Variants in SLC12A7 observed in about 807,000 individuals in gnomAD.
SLC12A7 encodes K-Cl cotransporter 4.
A neutral mutation model predicts 120.6 loss-of-function variants in SLC12A7; 100 were observed. The ratio of observed to expected loss-of-function variants is 0.83; its 90% CI spans 0.71 to 0.98. SLC12A7 has a LOEUF of 0.98. Ranked by LOEUF, SLC12A7 falls within the 50% of genes least tolerant of loss-of-function variation. SLC12A7 has a pLI of 0.00. For synonymous variants in SLC12A7, 760 were observed against 678.0 expected (o/e 1.12, Z -1.88); for missense variants, 1,373 against 1,548.1 (o/e 0.89, Z 1.90).
intron 1 of SLC12A7, among the ~76,000 whole-genome samples, chr5:1,106,542 G>A (rs1185162738): frequency 2.6e-5 from 4 of 151,222 alleles, no homozygotes; most frequent in Admixed American, 6.6e-5. Flanking sequence ...CCTCACAGAC[G>A]CCATCCATCC....
At chr5:1,150,675 CTTCT>C in the SLC12A7 span, among the ~76,000 whole-genome samples, 1 of 152,258 alleles carries the variant, frequency 6.6e-6, no homozygotes, top group Non-Finnish European at 1.5e-5. Flanking sequence ...TGAGTCGAGA[CTTCT>C]TTAAGAGCAA....
At chr5:1,061,605 C>A (rs1340023775) in intron 20 of SLC12A7, among the ~76,000 whole-genome samples, 1 of 152,222 alleles carries the variant, frequency 6.6e-6, no homozygotes, top group Non-Finnish European at 1.5e-5. Context: ...CCCGCCGCAC[C>A]CGGCTCATGG....
chr5:1,136,011 CG>C, the SLC12A7 span, among the ~76,000 whole-genome samples: 1 of 152,154 alleles, frequency 6.6e-6, no homozygotes, highest in Non-Finnish European at 1.5e-5. Context: ...AGGCCTGGCT[CG>C]GGTCCAGAGG....
At chr5:1,064,581 G>A (rs2150801100) in intron 18 of SLC12A7, among the ~76,000 whole-genome samples, 1 of 152,386 alleles carries the variant, frequency 6.6e-6, no homozygotes, top group East Asian at 1.9e-4. Flanking sequence ...TGGCCTCAAG[G>A]CCCATCGGGA....
intron 9 of SLC12A7, among the ~76,000 whole-genome samples, chr5:1,080,697 G>A (rs902305458): frequency 6.6e-6 from 1 of 152,216 alleles, no homozygotes; most frequent in Non-Finnish European, 1.5e-5. Context: ...ACCCCCTGGG[G>A]AACAACCAAG....
At chr5:1,057,261 G>A (rs758241336) in intron 22 of SLC12A7, 29 of 536,658 alleles carry the variant, frequency 5.4e-5, no homozygotes, top group Middle Eastern at 4.7e-4. Flanking sequence ...ATCCCTCAGC[G>A]CCCGGCCACA....
chr5:1,094,337 T>C, intron 1 of SLC12A7, 89 bp from the exon 2 acceptor site: 4 of 910,942 alleles, frequency 4.4e-6, no homozygotes, highest in Non-Finnish European at 7.3e-6. Flanking sequence ...CGGAGGGCTC[T>C]GGTCCCCACC....
intron 6 of SLC12A7, among the ~76,000 whole-genome samples, chr5:1,086,649 G>A (rs1462646216): frequency 6.6e-6 from 1 of 152,270 alleles, no homozygotes; most frequent in African/African-American, 2.4e-5. Context: ...CAGTCCAGAT[G>A]TCTACCCAGC....
In SLC12A7 at chr5:1,074,860, C is replaced by T. The variant is rs1738146872; in HGVS notation, c.1968-189G>A. 14 of 610,732 alleles carry T rather than the reference C, an allele frequency of 2.3e-5. No homozygotes were observed. The South Asian group carries it at 2.8e-4, about 12-fold the overall frequency. 37.8% of individuals were successfully genotyped at this position (610,732 alleles called of 1,614,324 possible). A position where few individuals can be genotyped will look rare whatever the true frequency, so the allele number is the denominator to read the frequency against. On this transcript the variant is annotated intron_variant, in intron 15 of 23. Coordinates refer to ENST00000264930, the MANE Select transcript of SLC12A7 (RefSeq NM_006598.3). ...GAGCCCGTCCTAGGAGCCACCGGGT[C>T]AGAGGGTGCTGTGGCTGTGGAGGGA... is the stretch of plus-strand genomic sequence containing the variant.
chr5:1,063,960 G>A lies in SLC12A7; in HGVS notation c.2623C>T (p.Arg875Trp), dbSNP rs150458053. ...LRQHKVWRKC[R>W]MRIFTVAQVD... is the part of the protein sequence containing the mutation. ...TGGGCCACGGTGAAGATACGCATCC[G>A]GCACTTCCTCCACACCTGCAGACAG... is the stretch of plus-strand genomic sequence containing the variant. The change falls in exon 20 of 24, where the codon CGG (arginine) becomes TGG (tryptophan). Residue 875 changes from arginine to tryptophan, a missense_variant. Physicochemically the swap from Arg to Trp is moderately radical, Grantham distance 101. Transcript: ENST00000264930. 47 of 1,612,344 alleles carry A rather than the reference G, an allele frequency of 2.9e-5. No homozygotes were observed. The highest frequency in any genetic ancestry group is 4.4e-5 in the South Asian group (4 of 91,064).
intron 17 of SLC12A7, among the ~76,000 whole-genome samples, chr5:1,068,736 G>A (rs533540371): frequency 1.3e-5 from 2 of 152,284 alleles, no homozygotes; most frequent in Non-Finnish European, 2.9e-5. Flanking sequence ...GTCGGACGGA[G>A]AGGATCTGCC....
chr5:1,154,241 G>A, the SLC12A7 span, among the ~76,000 whole-genome samples: 12 of 151,904 alleles, frequency 7.9e-5, no homozygotes, highest in African/African-American at 2.4e-4. Context: ...TCTCCAAAGC[G>A]TGTGTGTCCA....
intron 1 of SLC12A7, among the ~76,000 whole-genome samples, chr5:1,105,357 G>T (rs904160287): frequency 9.5e-5 from 14 of 147,664 alleles, no homozygotes; most frequent in African/African-American, 3.5e-4. Flanking sequence ...AGCCAAAGGG[G>T]ACCCTCCCTG....
At chr5:1,078,594 A>G in intron 11 of SLC12A7, 107 bp downstream of exon 11, 1 of 901,248 alleles carries the variant, frequency 1.1e-6, no homozygotes, top group Non-Finnish European at 1.8e-6. Flanking sequence ...TCAGCTCTGC[A>G]CGCGGACATG....
At chr5:1,063,697 T>TGG (rs1736575825) in intron 20 of SLC12A7, 147 bp downstream of exon 20, 1 of 9,450 alleles carries the variant, frequency 1.1e-4, no homozygotes, top group Admixed American at 1.3e-3. Flanking sequence ...CACTTCCCCC[T>TGG]CCACCCCCAC....
At chr5:1,070,042 AGTGAG>A (rs1737521241) in intron 17 of SLC12A7, among the ~76,000 whole-genome samples, 1 of 4,730 alleles carries the variant, frequency 2.1e-4, no homozygotes, top group Non-Finnish European at 6.9e-4. Flanking sequence ...TGCAGCCCCC[AGTGAG>A]CCCCCAGTGA....
rs545543486 is a variant in SLC12A7 at position 1,096,928 on chromosome 5, G to C, written c.125-2680C>G. On this transcript the variant is annotated intron_variant, in intron 1 of 23. Transcript: ENST00000264930. ...AGGAAGGGAGGGAAGGAAGGAGGGA[G>C]GGAGGGAGAGACCCGAGGGTTTCGG... 4.3e-3 allele frequency among the ~76,000 whole-genome samples: 643 copies of C among 150,922 alleles called. 3 individuals are homozygous for C. Among genetic ancestry groups the C allele is most frequent in the Non-Finnish European group, 7.4e-3 (502 of 67,600 alleles).
chr5:1,093,293 AC>A (rs1414762266), intron 3 of SLC12A7, among the ~76,000 whole-genome samples: 1 of 152,100 alleles, frequency 6.6e-6, no homozygotes, highest in Non-Finnish European at 1.5e-5. Context: ...TCGACAGGGA[AC>A]CCGGCCACCC....
chr5:1,068,233 G>A (rs1240121287), intron 17 of SLC12A7, among the ~76,000 whole-genome samples: 1 of 152,156 alleles, frequency 6.6e-6, no homozygotes, highest in Admixed American at 6.5e-5. Context: ...TCAGGAGTTC[G>A]AGACCAGACT....
Sources: allele counts gnomAD v4.1 joint callset (sites outside exome capture counted in the v4.1 genomes callset), GRCh38; gene constraint gnomAD v4.1.1; transcripts MANE v1.5; gene names NCBI Gene and HGNC (gene_info 2026-07-23, HGNC 2026-07-21).